The following CTH variants were observed in gnomAD, a reference collection of about 807,000 sequenced individuals.
CTH encodes cystathionine gamma-lyase, also known as cystathionase (cystathionine gamma-lyase).
Under a neutral mutation model 50.6 loss-of-function variants are expected in CTH, and 41 were observed. The observed-to-expected ratio is 0.81, with a 90% CI of 0.63 to 1.05. CTH has a LOEUF of 1.05. Ranked by LOEUF, CTH falls within the 50% of genes least tolerant of loss-of-function variation. The probability of loss-of-function intolerance (pLI) is 0.00; values close to 1 mark genes in which losing one functional copy is unlikely to be tolerated. For synonymous variants in CTH, 156 were observed against 168.9 expected, an observed-to-expected ratio of 0.92 and a Z score of 0.59; for missense variants, 470 against 492.6, an observed-to-expected ratio of 0.95 and a Z score of 0.43.
At chr1:70,433,539 G>T (rs561195767) in intron 8 of CTH, among the ~76,000 whole-genome samples, 9 of 152,280 alleles carry the variant, frequency 5.9e-5, no homozygotes, top group Non-Finnish European at 1.2e-4. Flanking sequence ...GAAATTACAG[G>T]ATATAATTAA....
intron 7 of CTH, 121 bp downstream of exon 7, chr1:70,430,515 GA>G: frequency 1.6e-6 from 1 of 617,090 alleles, no homozygotes; most frequent in Middle Eastern, 3.6e-4. Context: ...ATGAAAAATA[GA>G]GGAGAAAAAT....
In CTH at chr1:70,424,349, AT is replaced by A. The variant is rs753661934; in HGVS notation, c.522del (p.His174GlnfsTer41). On this transcript the variant is annotated frameshift_variant, in exon 5 of 12. Coordinates refer to ENST00000370938, the MANE Select transcript of CTH (RefSeq NM_001902.6). LOFTEE classifies it high-confidence loss of function. The part of the protein sequence containing the change: ...QKVIDIEGCA[H>X]IVHKHGDIIL... ...GTGATTGACATTGAAGGCTGTGCAC[AT>A]ATTGTCCATAAGCATGGAGACATTA... 3.7e-6 allele frequency: 6 copies of A among 1,614,168 alleles called. No individual in the cohort carries two copies. Among genetic ancestry groups the A allele is most frequent in the Non-Finnish European group, 5.1e-6 (6 of 1,180,010 alleles).
intron 7 of CTH, 46 bp from the exon 8 acceptor site, chr1:70,432,037 G>T: frequency 1.2e-6 from 2 of 1,609,326 alleles, no homozygotes; most frequent in Non-Finnish European, 1.7e-6. Flanking sequence ...TAATTTCTTG[G>T]CCATACCCTG....
chr1:70,420,775 T>C (rs1489814700), intron 3 of CTH, among the ~76,000 whole-genome samples: 2 of 152,166 alleles, frequency 1.3e-5, no homozygotes, highest in African/African-American at 4.8e-5. Flanking sequence ...TAGATACTTT[T>C]ATAATGCAAT....
At chr1:70,421,358 T>C (rs985037979) in intron 3 of CTH, among the ~76,000 whole-genome samples, 1 of 152,212 alleles carries the variant, frequency 6.6e-6, no homozygotes. Flanking sequence ...GTGTGTTTTA[T>C]TTGACTCTTG....
intron 5 of CTH, among the ~76,000 whole-genome samples, chr1:70,429,440 T>G (rs1177399193): frequency 6.6e-6 from 1 of 152,218 alleles, no homozygotes; most frequent in Non-Finnish European, 1.5e-5. Flanking sequence ...TTTTATGTGT[T>G]TAATGAGTCA....
rs770394185 is a variant in CTH at position 70,411,474 on chromosome 1, C to T, written c.59C>T (p.Thr20Met). Residue 20 changes from threonine (T) to methionine (M), a missense_variant, in exon 1 of 12, where the codon ACG becomes ATG. Coordinates refer to ENST00000370938, the MANE Select transcript of CTH (RefSeq NM_001902.6). ...CTGCCACACTTCCAACATTTCGCCA[C>T]GCAGGCGATCCATGTGGGCCAGGAT... is the stretch of plus-strand genomic sequence containing the variant. Reference protein sequence around the residue: ...GFLPHFQHFATQAIHVGQDPE... With the variant: ...GFLPHFQHFAMQAIHVGQDPE... The T allele has an allele frequency of 1.2e-6, 2 of 1,614,058 alleles. No homozygotes were observed. Among genetic ancestry groups the T allele is most frequent in the African/African-American group, 1.3e-5 (1 of 74,922 alleles).
chr1:70,438,543 C>CT (rs1199357925), intron 10 of CTH, 145 bp from the exon 11 acceptor site: 46 of 807,630 alleles, frequency 5.7e-5, no homozygotes, highest in African/African-American at 1.2e-4. Context: ...GTAATTTTCT[C>CT]TTTTTTTGCC....
At chr1:70,436,053 G>A (rs1433231651) in intron 10 of CTH, among the ~76,000 whole-genome samples, 2 of 152,046 alleles carry the variant, frequency 1.3e-5, no homozygotes, top group Non-Finnish European at 1.5e-5. Context: ...AATGGCTGAC[G>A]CCTGCAATTC....
At chr1:70,432,360 G>A (rs1262833211) in intron 8 of CTH, 125 bp downstream of exon 8, 1 of 1,157,090 alleles carries the variant, frequency 8.6e-7, no homozygotes, top group Non-Finnish European at 1.2e-6. Context: ...ATTTATTATT[G>A]AGCACTGCCA....
intron 8 of CTH, among the ~76,000 whole-genome samples, chr1:70,432,915 C>T (rs988998068): frequency 6.6e-6 from 1 of 151,902 alleles, no homozygotes; most frequent in African/African-American, 2.4e-5. Context: ...AACTCCTGAC[C>T]TCAGGTGATC....
At position 70,417,918 on chromosome 1, in the gene CTH, A is replaced by G. The variant is rs1684128555; in HGVS notation, c.251-19A>G. 6.2e-7 allele frequency: 1 copy of G among 1,613,756 alleles called. No homozygotes were observed. Among genetic ancestry groups the G allele is most frequent in the East Asian group, 2.2e-5 (1 of 44,852 alleles). On this transcript the variant is annotated intron_variant, in intron 2 of 11. Coordinates refer to ENST00000370938, the MANE Select transcript of CTH (RefSeq NM_001902.6). ...TAGGCCTGACTTTTCAGCTTACTCT[A>G]ACTTGATTTTTATTTTAGGTTTGGC...
chr1:70,423,662 T>C (rs1174759733), intron 4 of CTH, among the ~76,000 whole-genome samples: 2 of 152,186 alleles, frequency 1.3e-5, no homozygotes, highest in Non-Finnish European at 2.9e-5. Flanking sequence ...CTATCAAGCA[T>C]CTACCATGTG....
intron 8 of CTH, among the ~76,000 whole-genome samples, chr1:70,433,497 C>T (rs940861329): frequency 1.3e-5 from 2 of 152,168 alleles, no homozygotes; most frequent in Non-Finnish European, 2.9e-5. Context: ...CCTCATGGAG[C>T]AACTCTGGTG....
chr1:70,427,496 T>C (rs1272811266), intron 5 of CTH, among the ~76,000 whole-genome samples: 3 of 152,176 alleles, frequency 2.0e-5, no homozygotes, highest in Admixed American at 2.0e-4. Flanking sequence ...TTTCCTTCTC[T>C]TTTGGCTGTA....
chr1:70,436,343 C>T (rs141448298), intron 10 of CTH, among the ~76,000 whole-genome samples: 8 of 152,100 alleles, frequency 5.3e-5, no homozygotes, highest in Non-Finnish European at 8.8e-5. Flanking sequence ...AGAACCAAAA[C>T]AACAACAAAA....
At chr1:70,438,901 A>G in intron 11 of CTH, 75 bp downstream of exon 11, 1 of 1,605,350 alleles carries the variant, frequency 6.2e-7, no homozygotes, top group Non-Finnish European at 8.5e-7. Context: ...GGGTCACTAT[A>G]TTTACAAAGT....
At position 70,435,235 on chromosome 1, in the gene CTH, G is replaced by A. The variant is rs1003140029; in HGVS notation, c.1052+58G>A. On this transcript the variant is annotated intron_variant, in intron 10 of 11. Transcript: ENST00000370938. ...AATTTGATGTCAGCTTTAATGATTGGGAAAGAAATATGATAAGGTCAGGGA... is the reference window on the plus strand; with the variant it reads ...AATTTGATGTCAGCTTTAATGATTGAGAAAGAAATATGATAAGGTCAGGGA... The A allele has an allele frequency of 9.6e-6, 14 of 1,459,506 alleles. No individual in the cohort carries two copies. The African/African-American group carries it at 2.0e-4, about 20-fold the overall frequency. The allele number at this position is 1,459,506 out of a possible 1,614,324, so 90.4% of individuals were successfully genotyped here. A position where few individuals can be genotyped will look rare whatever the true frequency, so the allele number is the denominator to read the frequency against.
chr1:70,413,815 C>T (rs1684028253), intron 1 of CTH, among the ~76,000 whole-genome samples: 1 of 150,440 alleles, frequency 6.6e-6, no homozygotes, highest in African/African-American at 2.5e-5. Flanking sequence ...GATCTTGGCC[C>T]ACTGCATCCT....
Sources: allele counts gnomAD v4.1 joint callset (sites outside exome capture counted in the v4.1 genomes callset), GRCh38; gene constraint gnomAD v4.1.1; transcripts MANE v1.5; gene names NCBI Gene and HGNC (gene_info 2026-07-23, HGNC 2026-07-21).